Variants in ARL6IP6 observed in about 807,000 individuals in gnomAD.
ARL6IP6 encodes ADP-ribosylation factor-like protein 6-interacting protein 6.
A neutral mutation model predicts 21.5 loss-of-function variants in ARL6IP6; 22 were observed. That is an observed-to-expected ratio of 1.02 (90% CI 0.73 to 1.46). The LOEUF (loss-of-function observed/expected upper bound fraction) is 1.46, where lower values mean the gene tolerates loss of function less well. Among genes scored for constraint, ARL6IP6 ranks in the 40% most tolerant of loss-of-function variants. The pLI, the probability that ARL6IP6 is intolerant of heterozygous loss-of-function variation, is 0.00. For synonymous variants in ARL6IP6, 164 were observed against 125.3 expected (o/e 1.31, Z -2.06); for missense variants, 388 against 299.8 (o/e 1.29, Z -2.17).
intron 2 of ARL6IP6, among the ~76,000 whole-genome samples, chr2:152,726,873 C>A (rs1045991544): frequency 1.3e-5 from 2 of 152,002 alleles, no homozygotes; most frequent in Non-Finnish European, 2.9e-5. Flanking sequence ...TATAAACCAA[C>A]CTATTACCAA....
chr2:152,759,368 C>CA (rs1240739211), intron 3 of ARL6IP6, among the ~76,000 whole-genome samples: 97 of 152,200 alleles, frequency 6.4e-4, no homozygotes, highest in African/African-American at 2.3e-3. Context: ...TAAGAACAGA[C>CA]AGCATGGAAA....
chr2:152,735,054 G>C lies in ARL6IP6; in HGVS notation c.515G>C (p.Trp172Ser). Residue 172 changes from tryptophan (W) to serine (S), a missense_variant, in exon 3 of 4, where the codon TGG (tryptophan) becomes TCG (serine). Transcript: ENST00000326446. Reference sequence around the variant, plus strand: ...GGATTCTCCTGTTGCAGCTTTTCTTGGACAGTGACTTACTTTGATTCTTTT... The same window carrying C: ...GGATTCTCCTGTTGCAGCTTTTCTTCGACAGTGACTTACTTTGATTCTTTT... ...TAGFSCCSFS[W>S]TVTYFDSFEP... The C allele has an allele frequency of 6.2e-7, 1 of 1,613,206 alleles. No homozygotes were observed.
rs1457217726 is a variant in ARL6IP6 at position 152,718,944 on chromosome 2, A to G, written c.320A>G (p.Gln107Arg). The G allele has an allele frequency of 1.9e-6, 3 of 1,613,338 alleles. No homozygotes were observed. Among genetic ancestry groups the G allele is most frequent in the East Asian group, 2.2e-5 (1 of 44,846 alleles). The change falls in exon 1 of 4, where the codon CAG (glutamine) becomes CGG (arginine). Residue 107 changes from glutamine to arginine, a missense_variant. Transcript: ENST00000326446. ...SRAQPRRWPV[Q>R]VLSILCSLLF... is the part of the protein sequence containing the mutation. ...GCCCAGCCTCGGCGGTGGCCGGTCC[A>G]GGTCCTCTCTATTCTCTGCTCGCTG...
At chr2:152,756,657 A>G (rs1559245994) in intron 3 of ARL6IP6, among the ~76,000 whole-genome samples, 1 of 152,212 alleles carries the variant, frequency 6.6e-6, no homozygotes, top group Non-Finnish European at 1.5e-5. Flanking sequence ...AAACATCAAA[A>G]AAGAGGCTTT....
At chr2:152,721,604 A>C (rs1179590669) in intron 2 of ARL6IP6, among the ~76,000 whole-genome samples, 1 of 152,248 alleles carries the variant, frequency 6.6e-6, no homozygotes, top group East Asian at 1.9e-4. Context: ...ACATTCGATC[A>C]CATGAATCAA....
At chr2:152,746,302 C>T (rs1701044628) in intron 3 of ARL6IP6, among the ~76,000 whole-genome samples, 1 of 152,144 alleles carries the variant, frequency 6.6e-6, no homozygotes, top group South Asian at 2.1e-4. Flanking sequence ...GCTGGGATTA[C>T]AGGCATGAGC....
intron 3 of ARL6IP6, among the ~76,000 whole-genome samples, chr2:152,745,379 A>G (rs1203498903): frequency 6.6e-6 from 1 of 152,206 alleles, no homozygotes; most frequent in Non-Finnish European, 1.5e-5. Flanking sequence ...CCTCATAACT[A>G]AATACAAGCA....
intron 3 of ARL6IP6, among the ~76,000 whole-genome samples, chr2:152,747,181 A>G (rs1399404042): frequency 1.3e-5 from 2 of 152,140 alleles, no homozygotes; most frequent in Non-Finnish European, 2.9e-5. Context: ...AACACTAATG[A>G]AAGGAATTAT....
intron 2 of ARL6IP6, among the ~76,000 whole-genome samples, chr2:152,728,432 G>A (rs16831710): frequency 0.054 from 8,158 of 152,066 alleles, 547 homozygotes; most frequent in African/African-American, 0.15. Context: ...GTAAATTGGT[G>A]CCTCTGTGTC....
intron 1 of ARL6IP6, among the ~76,000 whole-genome samples, 158 bp downstream of exon 1, chr2:152,719,182 C>T (rs1036213891): frequency 1.3e-5 from 2 of 152,160 alleles, no homozygotes; most frequent in African/African-American, 4.8e-5. Context: ...CTCTCCCGCC[C>T]TTTGCCTTTT....
At chr2:152,740,971 A>G (rs1700781603) in intron 3 of ARL6IP6, among the ~76,000 whole-genome samples, 1 of 152,188 alleles carries the variant, frequency 6.6e-6, no homozygotes, top group East Asian at 1.9e-4. Context: ...GAGTCCTTGT[A>G]CAGGGAAACA....
chr2:152,754,852 C>T (rs1025601048), intron 3 of ARL6IP6, among the ~76,000 whole-genome samples: 4 of 152,146 alleles, frequency 2.6e-5, no homozygotes, highest in South Asian at 2.1e-4. Context: ...TTTTCATGTC[C>T]TTATTGGCTA....
At chr2:152,725,222 C>G (rs1441790489) in intron 2 of ARL6IP6, among the ~76,000 whole-genome samples, 1 of 152,126 alleles carries the variant, frequency 6.6e-6, no homozygotes, top group Non-Finnish European at 1.5e-5. Context: ...TTTTGAAATA[C>G]GTTTTGGGAT....
At chr2:152,755,196 G>A (rs982495817) in intron 3 of ARL6IP6, among the ~76,000 whole-genome samples, 3 of 152,202 alleles carry the variant, frequency 2.0e-5, no homozygotes, top group African/African-American at 4.8e-5. Context: ...TTGGTCTAGC[G>A]GTAACGCCAG....
intron 1 of ARL6IP6, among the ~76,000 whole-genome samples, chr2:152,719,382 G>A (rs1225738877): frequency 2.0e-5 from 3 of 152,070 alleles, no homozygotes; most frequent in Admixed American, 6.6e-5. Flanking sequence ...ATTAAAATAG[G>A]CCATGTTCAA....
chr2:152,741,127 A>G (rs1457677758), intron 3 of ARL6IP6, among the ~76,000 whole-genome samples: 2 of 152,132 alleles, frequency 1.3e-5, no homozygotes, highest in African/African-American at 4.8e-5. Context: ...AAAATAAGCA[A>G]TAATATTAAT....
intron 3 of ARL6IP6, among the ~76,000 whole-genome samples, chr2:152,744,229 C>T (rs1267565329): frequency 6.6e-6 from 1 of 152,026 alleles, no homozygotes; most frequent in East Asian, 1.9e-4. Context: ...TTTGAATTAC[C>T]AGAAGTCAAA....
chr2:152,759,620 G>A (rs948426400), intron 3 of ARL6IP6, 127 bp from the exon 4 acceptor site: 1 of 674,384 alleles, frequency 1.5e-6, no homozygotes, highest in Non-Finnish European at 2.6e-6. Context: ...TTTAAGTTTT[G>A]TATTCATATG....
chr2:152,758,291 C>T (rs984382676), intron 3 of ARL6IP6, among the ~76,000 whole-genome samples: 5 of 151,644 alleles, frequency 3.3e-5, no homozygotes, highest in African/African-American at 9.7e-5. Flanking sequence ...ATGTTCTGTA[C>T]GGATGCATTT....
Sources: allele counts gnomAD v4.1 joint callset (sites outside exome capture counted in the v4.1 genomes callset), GRCh38; gene constraint gnomAD v4.1.1; transcripts MANE v1.5; gene names NCBI Gene and HGNC (gene_info 2026-07-23, HGNC 2026-07-21).